SYNE2: variants seen among roughly 807,000 people sequenced by gnomAD.
SYNE2 encodes spectrin repeat containing nuclear envelope protein 2, also known as nesprin-2.
Under a neutral mutation model 856.3 loss-of-function variants are expected in SYNE2, and 431 were observed. That is an observed-to-expected ratio of 0.50 (90% CI 0.47 to 0.55). The LOEUF (loss-of-function observed/expected upper bound fraction) is 0.55, where lower values mean the gene tolerates loss of function less well. Ranked by LOEUF, SYNE2 falls within the 20% of genes least tolerant of loss-of-function variation. The probability of loss-of-function intolerance (pLI) is 0.00; values close to 1 mark genes in which losing one functional copy is unlikely to be tolerated. For synonymous variants in SYNE2, 2,923 were observed against 2,872.3 expected, an observed-to-expected ratio of 1.02 and a Z score of -0.56; for missense variants, 8,129 against 8,023.2, an observed-to-expected ratio of 1.01 and a Z score of -0.50.
intron 57 of SYNE2, among the ~76,000 whole-genome samples, chr14:64,086,398 A>G (rs1192539700): frequency 2.0e-5 from 3 of 152,216 alleles, no homozygotes; most frequent in African/African-American, 4.8e-5. Flanking sequence ...CTTCATTACT[A>G]TAGCTTTACA....
At chr14:64,181,031 G>A (rs1043285857) in intron 96 of SYNE2, among the ~76,000 whole-genome samples, 2 of 151,722 alleles carry the variant, frequency 1.3e-5, no homozygotes, top group African/African-American at 4.8e-5. Flanking sequence ...TTTTTTGGGT[G>A]TCTATGAGAC....
chr14:64,106,581 G>A (rs992970174), intron 64 of SYNE2, among the ~76,000 whole-genome samples: 12 of 152,238 alleles, frequency 7.9e-5, no homozygotes, highest in Admixed American at 3.3e-4. Context: ...CCCAGGAGGC[G>A]GAGCTTGTGG....
chr14:63,990,968 G>T lies in SYNE2; in HGVS notation c.2499G>T (p.Ala833=), dbSNP rs761478156. 1.2e-6 allele frequency: 2 copies of T among 1,614,094 alleles called. No homozygotes were observed. Among genetic ancestry groups the T allele is most frequent in the East Asian group, 2.2e-5 (1 of 44,870 alleles). ...TCAATGTGGTAAAACTCATTGCAGC[G>T]TTGAAGAACTTAACTGACGTTTCAC... The part of the protein sequence containing the change: ...VQINVVKLIA[A]LKNLTDVSPD... The change falls in exon 21 of 116, where the codon GCG becomes GCT. Residue 833 remains alanine, a synonymous_variant. Coordinates refer to ENST00000555002, the MANE Select transcript of SYNE2 (RefSeq NM_182914.3).
chr14:63,964,146 G>A (rs868820462), intron 10 of SYNE2, 146 bp downstream of exon 10: 7 of 613,170 alleles, frequency 1.1e-5, no homozygotes, highest in East Asian at 2.9e-5. Context: ...CTGTACTTCC[G>A]AAACTTTAAG....
chr14:63,834,043 A>G (rs897381893), intron 1 of SYNE2, among the ~76,000 whole-genome samples: 7 of 152,224 alleles, frequency 4.6e-5, no homozygotes, highest in Admixed American at 1.3e-4. Flanking sequence ...AAGCTGCTCT[A>G]TCTTCCATCT....
intron 95 of SYNE2, 80 bp from the exon 96 acceptor site, chr14:64,177,278 G>A (rs751486007): frequency 4.0e-4 from 617 of 1,539,512 alleles, no homozygotes; most frequent in Non-Finnish European, 5.0e-4. Flanking sequence ...AAGATTATGT[G>A]GATTAAATGA....
intron 8 of SYNE2, among the ~76,000 whole-genome samples, chr14:63,956,852 T>A (rs1295113481): frequency 6.6e-6 from 1 of 152,172 alleles, no homozygotes; most frequent in Non-Finnish European, 1.5e-5. Flanking sequence ...CCAATTCCCG[T>A]GTATACCAAG....
chr14:64,180,389 A>C (rs965956611), intron 96 of SYNE2, among the ~76,000 whole-genome samples: 1 of 152,180 alleles, frequency 6.6e-6, no homozygotes, highest in Non-Finnish European at 1.5e-5. Context: ...ATTGAATTGC[A>C]TTGAATTTTA....
intron 66 of SYNE2, among the ~76,000 whole-genome samples, chr14:64,118,348 C>T (rs1374648423): frequency 6.6e-6 from 1 of 152,292 alleles, no homozygotes; most frequent in South Asian, 2.1e-4. Flanking sequence ...GGGAAACTTA[C>T]TTCATCCAGC....
intron 8 of SYNE2, among the ~76,000 whole-genome samples, chr14:63,957,207 T>C (rs1478485379): frequency 6.6e-6 from 1 of 151,678 alleles, no homozygotes; most frequent in Non-Finnish European, 1.5e-5. Flanking sequence ...AAGCGATTCT[T>C]GTGCCTCAGC....
chr14:63,940,375 A>C (rs968400852), intron 2 of SYNE2, among the ~76,000 whole-genome samples: 1 of 152,158 alleles, frequency 6.6e-6, no homozygotes, highest in East Asian at 1.9e-4. Flanking sequence ...TTATCAGTAA[A>C]AAATATTAAA....
chr14:63,905,730 A>T (rs954731088), intron 1 of SYNE2, among the ~76,000 whole-genome samples: 12 of 152,210 alleles, frequency 7.9e-5, no homozygotes, highest in African/African-American at 2.9e-4. Context: ...GTATAGAATC[A>T]TATCATCAGC....
At chr14:64,030,481 G>C (rs1251930937) in intron 44 of SYNE2, among the ~76,000 whole-genome samples, 1 of 152,182 alleles carries the variant, frequency 6.6e-6, no homozygotes, top group Admixed American at 6.5e-5. Context: ...AGCTACTGCA[G>C]TACATCAAAT....
chr14:64,097,200 G>A lies in SYNE2; in HGVS notation c.12109-749G>A, dbSNP rs72720327. Among the ~76,000 whole-genome samples the A allele has an allele frequency of 1.4e-3, 208 of 152,246 alleles. 3 individuals carry two copies. The South Asian group carries it at 0.021, about 16-fold the overall frequency. The stretch of plus-strand genomic sequence containing the variant: ...ATATAAATGTTAAAAGTAACATCAC[G>A]AAGCTTGAGATCATCTGTCCATCAT... On this transcript the variant is annotated intron_variant, in intron 61 of 115. Transcript: ENST00000555002.
intron 58 of SYNE2, 36 bp from the exon 59 acceptor site, chr14:64,089,536 AAT>A: frequency 3.2e-6 from 5 of 1,585,476 alleles, no homozygotes; most frequent in Non-Finnish European, 4.3e-6. Context: ...ATTAATATAC[AAT>A]ATATATTGCA....
intron 94 of SYNE2, among the ~76,000 whole-genome samples, chr14:64,172,712 C>A (rs1015558227): frequency 6.6e-6 from 1 of 151,924 alleles, no homozygotes. Flanking sequence ...TGGGAGGATC[C>A]CTTGAGCCCA....
At chr14:63,932,562 G>A (rs1048065207) in intron 2 of SYNE2, among the ~76,000 whole-genome samples, 5 of 152,026 alleles carry the variant, frequency 3.3e-5, no homozygotes, top group African/African-American at 1.2e-4. Flanking sequence ...ACGAAAATTA[G>A]GTGTGGTGGC....
Position 64,056,197 on chromosome 14 carries a change from T to C in SYNE2, c.9998T>C (p.Leu3333Ser), listed in dbSNP as rs748955642. The C allele has an allele frequency of 1.9e-6, 3 of 1,614,062 alleles. No individual in the cohort carries two copies. The highest frequency in any genetic ancestry group is 2.5e-6 in the Non-Finnish European group (3 of 1,179,994). ...GCCAAACTACAACTTCAGTATACTT[T>C]ACAGGAACTAGTTTCTAAGAACTCA... ...PEAKLQLQYT[L>S]QELVSKNSAM... The change falls in exon 49 of 116, where the codon TTA (leucine) becomes TCA (serine). Residue 3333 changes from leucine to serine, a missense_variant. This residue lies in a region of SYNE2 where 5,410 missense variants were observed against 5,284.8 expected (regional missense o/e 1.02). Transcript: ENST00000555002.
chr14:63,863,970 C>T (rs968863886), intron 1 of SYNE2, among the ~76,000 whole-genome samples: 9 of 152,110 alleles, frequency 5.9e-5, no homozygotes, highest in South Asian at 2.1e-4. Flanking sequence ...TACAGGCGCA[C>T]GGCACCACGC....
Sources: gnomAD v4.1 joint callset for allele counts (sites outside exome capture counted in the v4.1 genomes callset) on GRCh38, gnomAD v4.1.1 for gene constraint, gnomAD v4.1.1 regional missense constraint, MANE v1.5 for transcripts, NCBI Gene and HGNC (gene_info 2026-07-23, HGNC 2026-07-21) for gene names.